The following CELF2 variants were observed in gnomAD, a reference collection of about 807,000 sequenced individuals.
The protein encoded by CELF2 is CUG triplet repeat RNA-binding protein 2.
Under a neutral mutation model 62.6 loss-of-function variants are expected in CELF2, and 8 were observed. That is an observed-to-expected ratio of 0.13 (90% CI 0.07 to 0.23). The LOEUF is 0.23. CELF2 is among the 10% of genes least tolerant of loss of function. The probability of loss-of-function intolerance (pLI) is 1.00; values close to 1 mark genes in which losing one functional copy is unlikely to be tolerated. For synonymous variants in CELF2, 258 were observed against 250.0 expected (o/e 1.03, Z -0.30); for missense variants, 333 against 671.0 (o/e 0.50, Z 5.56).
At chr10:10,567,142 T>C in the CELF2 span, among the ~76,000 whole-genome samples, 1 of 152,206 alleles carries the variant, frequency 6.6e-6, no homozygotes, top group South Asian at 2.1e-4. Flanking sequence ...AAATAATAGA[T>C]ACAAATAGAT....
intron 7 of CELF2, among the ~76,000 whole-genome samples, chr10:11,271,726 T>C (rs1312296910): frequency 6.6e-6 from 1 of 152,090 alleles, no homozygotes; most frequent in Non-Finnish European, 1.5e-5. Flanking sequence ...TCTGTGTGTG[T>C]GTGTGTGTGT....
At chr10:10,825,996 A>C (rs1377117595) in intron 1 of CELF2, among the ~76,000 whole-genome samples, 1 of 152,224 alleles carries the variant, frequency 6.6e-6, no homozygotes, top group Non-Finnish European at 1.5e-5. Flanking sequence ...CTAAGACTTC[A>C]AATCTCTGAT....
the CELF2 span, among the ~76,000 whole-genome samples, chr10:10,520,518 G>A: frequency 3.3e-5 from 5 of 152,116 alleles, no homozygotes; most frequent in African/African-American, 1.2e-4. Flanking sequence ...TGATTCAATG[G>A]AGAGCAAAAC....
chr10:11,249,794 C>T (rs549871756), intron 4 of CELF2, among the ~76,000 whole-genome samples: 7 of 152,306 alleles, frequency 4.6e-5, no homozygotes, highest in Admixed American at 4.6e-4. Context: ...TGGGTTTTGC[C>T]TATTCGAGAC....
chr10:10,623,554 G>A, the CELF2 span, among the ~76,000 whole-genome samples: 126 of 152,254 alleles, frequency 8.3e-4, no homozygotes, highest in South Asian at 6.2e-3. Context: ...ACTGCAGCAG[G>A]AGCTGCCATG....
At chr10:10,654,295 A>G in the CELF2 span, among the ~76,000 whole-genome samples, 31 of 112,930 alleles carry the variant, frequency 2.7e-4, 3 homozygotes, top group East Asian at 3.0e-3. Flanking sequence ...AGGTACAAGG[A>G]GGAACTGGTA....
the CELF2 span, among the ~76,000 whole-genome samples, chr10:10,680,228 G>A: frequency 6.6e-6 from 1 of 152,038 alleles, no homozygotes; most frequent in African/African-American, 2.4e-5. Context: ...GCAGAGTTTG[G>A]GAGTCCCCAA....
intron 1 of CELF2, among the ~76,000 whole-genome samples, chr10:11,144,141 T>A (rs1271035925): frequency 2.0e-5 from 3 of 152,112 alleles, no homozygotes; most frequent in African/African-American, 7.2e-5. Flanking sequence ...AGAACAAAGT[T>A]TCACAGTAAT....
chr10:11,328,898 G>GCTGA lies in CELF2; in HGVS notation c.1439-25_1439-22dup. On this transcript the variant is annotated intron_variant, in intron 12 of 12. Coordinates refer to ENST00000633077, the MANE Select transcript of CELF2 (RefSeq NM_001326342.2). The surrounding 1 kb of genome is among the most constrained non-coding windows in gnomAD (Gnocchi z 6.4). ...GTTTTCTGCTGGGCTTCCTCTCCAG[G>GCTGA]CTGACTCCCTCTCTCGGTATTTTCC... 1 of 1,596,702 alleles carries GCTGA rather than the reference G, an allele frequency of 6.3e-7. No homozygotes were observed. The highest frequency in any genetic ancestry group is 8.6e-7 in the Non-Finnish European group (1 of 1,167,942).
In CELF2 at chr10:10,901,143, C is replaced by T. The variant is rs192387462; in HGVS notation, c.54-18821C>T. ...GTATATTTAATGCAATACCAGTCAA[C>T]ATCCCAAGAGGATTTTTCGGTAGAA... On this transcript the variant is annotated intron_variant, in intron 1 of 13. Transcript: ENST00000636488. 2.4e-3 allele frequency among the ~76,000 whole-genome samples: 371 copies of T among 152,328 alleles called. 2 individuals are homozygous for T. Among genetic ancestry groups the T allele is most frequent in the African/African-American group, 8.2e-3 (342 of 41,584 alleles).
chr10:10,534,959 A>G, the CELF2 span, among the ~76,000 whole-genome samples: 1 of 152,330 alleles, frequency 6.6e-6, no homozygotes, highest in Non-Finnish European at 1.5e-5. Context: ...GATTAATACC[A>G]CATAACTTTA....
At position 11,243,821 on chromosome 10, in the gene CELF2, C is replaced by T. The variant is rs1296427019; in HGVS notation, c.355-5332C>T. Among the ~76,000 whole-genome samples the T allele has an allele frequency of 1.3e-5, 2 of 152,216 alleles. No individual in the cohort carries two copies. Among genetic ancestry groups the T allele is most frequent in the Non-Finnish European group, 2.9e-5 (2 of 68,036 alleles). ...AATTAAAACTTCCCATTCTGTGTGGCTGGAGATGCAGCCTCAGTTTAATTA... is the reference window on the plus strand; with the variant it reads ...AATTAAAACTTCCCATTCTGTGTGGTTGGAGATGCAGCCTCAGTTTAATTA... On this transcript the variant is annotated intron_variant, in intron 3 of 12. Coordinates refer to ENST00000633077, the MANE Select transcript of CELF2 (RefSeq NM_001326342.2). This position sits in a 1 kb window ranked among gnomAD's most constrained non-coding sequence, Gnocchi z 4.1.
At chr10:10,659,098 G>T in the CELF2 span, among the ~76,000 whole-genome samples, 2 of 152,162 alleles carry the variant, frequency 1.3e-5, no homozygotes, top group African/African-American at 2.4e-5. Flanking sequence ...GACCCTTGTT[G>T]TAGAAATGCT....
At chr10:10,870,949 T>C (rs1283973031) in intron 1 of CELF2, among the ~76,000 whole-genome samples, 1 of 152,152 alleles carries the variant, frequency 6.6e-6, no homozygotes, top group Non-Finnish European at 1.5e-5. Flanking sequence ...TGGCCCGAAG[T>C]AGACAAGAGG....
intron 2 of CELF2, among the ~76,000 whole-genome samples, chr10:11,201,615 G>A (rs752574285): frequency 4.1e-4 from 63 of 152,228 alleles, no homozygotes; most frequent in Admixed American, 1.3e-4. Flanking sequence ...CTGTTCCAGT[G>A]TTGGCCCTGA....
the CELF2 span, among the ~76,000 whole-genome samples, chr10:10,735,054 T>A: frequency 1.3e-5 from 2 of 152,206 alleles, no homozygotes; most frequent in Non-Finnish European, 2.9e-5. Context: ...ATCTTCTGAG[T>A]TTCCTTCTCC....
intron 2 of CELF2, among the ~76,000 whole-genome samples, chr10:10,992,147 G>C (rs547420678): frequency 6.6e-6 from 1 of 152,172 alleles, no homozygotes; most frequent in South Asian, 2.1e-4. Context: ...TTATTCCACA[G>C]TGCAGTGGTT....
At position 11,177,116 on chromosome 10, in the gene CELF2, A is replaced by G. The variant is rs1238295009; in HGVS notation, c.271+11434A>G. On this transcript the variant is annotated intron_variant, in intron 2 of 12. Transcript: ENST00000633077. This position sits in a 1 kb window ranked among gnomAD's most constrained non-coding sequence, Gnocchi z 4.8. ...TAAGGTGGTTATTAGAAGACTCGCA[A>G]CTTAGAAAAGGAAGTAAACATGTTA... Among the ~76,000 whole-genome samples, 1 of 152,188 alleles carries G rather than the reference A, an allele frequency of 6.6e-6. No homozygotes were observed. Among genetic ancestry groups the G allele is most frequent in the East Asian group, 1.9e-4 (1 of 5,202 alleles).
chr10:11,199,522 GAAGAT>G (rs1439323179), intron 2 of CELF2, among the ~76,000 whole-genome samples: 1 of 152,118 alleles, frequency 6.6e-6, no homozygotes, highest in Non-Finnish European at 1.5e-5. Context: ...GGCTGGAAAG[GAAGAT>G]GGTCAGATGT....
Sources: allele counts gnomAD v4.1 joint callset (sites outside exome capture counted in the v4.1 genomes callset), GRCh38; gene constraint gnomAD v4.1.1; non-coding constraint Gnocchi (gnomAD v3.1); transcripts MANE v1.5; gene names NCBI Gene and HGNC (gene_info 2026-07-23, HGNC 2026-07-21).